Variants in AGAP1 observed in about 807,000 individuals in gnomAD.
The protein encoded by AGAP1 is arf-GAP with GTPase, ANK repeat and PH domain-containing protein 1.
Under a neutral mutation model 105.3 loss-of-function variants are expected in AGAP1, and 29 were observed. The ratio of observed to expected loss-of-function variants is 0.28; its 90% confidence interval spans 0.21 to 0.38. The LOEUF (loss-of-function observed/expected upper bound fraction) is 0.38. AGAP1 is among the 10% of genes least tolerant of loss of function. AGAP1 has a pLI of 1.00. For missense variants in AGAP1, 998 were observed against 1,165.1 expected, an observed-to-expected ratio of 0.86 and a Z score of 2.09; for synonymous variants, 509 against 485.9, an observed-to-expected ratio of 1.05 and a Z score of -0.63.
chr2:235,727,154 G>GA (rs1367834705), intron 3 of AGAP1, among the ~76,000 whole-genome samples: 4 of 152,214 alleles, frequency 2.6e-5, no homozygotes, highest in Admixed American at 6.5e-5. Context: ...GGTTGGAGGG[G>GA]ATGTTTTGAT....
intron 13 of AGAP1, among the ~76,000 whole-genome samples, chr2:235,998,710 A>G (rs76354314): frequency 4.6e-4 from 38 of 82,922 alleles, no homozygotes; most frequent in South Asian, 3.5e-3. Flanking sequence ...TGATGATGAT[A>G]GTGGTGATGA....
At chr2:235,629,852 A>AG (rs1381134366) in intron 1 of AGAP1, among the ~76,000 whole-genome samples, 1 of 138,864 alleles carries the variant, frequency 7.2e-6, no homozygotes, top group African/African-American at 2.8e-5. Context: ...TGACTGAGGG[A>AG]GACCCTGTCT....
chr2:236,096,105 G>A lies in AGAP1; in HGVS notation c.2115-24087G>A, dbSNP rs2059185311. ...TGGAAGCAATACTGATGATGGAACC[G>A]CAGTACTATGTATCTTACCCTACCA... On this transcript the variant is annotated intron_variant, in intron 16 of 17. Transcript: ENST00000304032. The surrounding 1 kb of genome is among the most constrained non-coding windows in gnomAD (Gnocchi z 4.4). Among the ~76,000 whole-genome samples the A allele has an allele frequency of 6.6e-6, 1 of 152,168 alleles. No individual in the cohort carries two copies. The highest frequency in any genetic ancestry group is 1.5e-5 in the Non-Finnish European group (1 of 68,034).
In AGAP1 at chr2:235,864,634, G is replaced by C. The variant is rs183103066; in HGVS notation, c.1051-18711G>C. 1.3e-5 allele frequency among the ~76,000 whole-genome samples: 2 copies of C among 152,272 alleles called. No homozygotes were observed. Among genetic ancestry groups the C allele is most frequent in the African/African-American group, 4.8e-5 (2 of 41,564 alleles). On this transcript the variant is annotated intron_variant, in intron 9 of 17. Coordinates refer to ENST00000304032, the MANE Select transcript of AGAP1 (RefSeq NM_001037131.3). The surrounding 1 kb of genome is among the most constrained non-coding windows in gnomAD (Gnocchi z 5.0). ...CTGGTGTCGTCCCTGAAAATCTTGT[G>C]ACAGGGAGAGACAGAGTGAAAGGAA...
intron 1 of AGAP1, chr2:235,670,019 C>T (rs958725243): frequency 8.9e-5 from 30 of 337,648 alleles, no homozygotes; most frequent in African/African-American, 6.1e-4. Context: ...ACTCCCGGCC[C>T]GCCTGCCCTC....
rs765176771 is a variant in AGAP1 at position 236,123,878 on chromosome 2, C to G, written c.2371-41C>G. ...GCTTCCCTGCCCCCTCCCTCCATCACATCCCCCATGATACTAATGTGGGCT... is the reference window on the plus strand; with the variant it reads ...GCTTCCCTGCCCCCTCCCTCCATCAGATCCCCCATGATACTAATGTGGGCT... On this transcript the variant is annotated intron_variant, in intron 17 of 17. Transcript: ENST00000304032. This position sits in a 1 kb window ranked among gnomAD's most constrained non-coding sequence, Gnocchi z 4.6. 37 of 1,608,644 alleles carry G rather than the reference C, an allele frequency of 2.3e-5. No individual in the cohort carries two copies. The highest frequency in any genetic ancestry group is 2.7e-5 in the Non-Finnish European group (32 of 1,177,482).
Position 235,728,332 on chromosome 2 carries a change from C to G in AGAP1, c.310+10688C>G, listed in dbSNP as rs749727641. ...GTGTGTGTGTGTGTGTGTGTGCGTGCTCTTAAATCAATGTAAATTAGGCTA... is the reference window on the plus strand; with the variant it reads ...GTGTGTGTGTGTGTGTGTGTGCGTGGTCTTAAATCAATGTAAATTAGGCTA... On this transcript the variant is annotated intron_variant, in intron 3 of 17. Transcript: ENST00000304032. The surrounding 1 kb of genome is among the most constrained non-coding windows in gnomAD (Gnocchi z 4.3). Among the ~76,000 whole-genome samples the G allele has an allele frequency of 7.0e-6, 1 of 143,084 alleles. No individual in the cohort carries two copies. Among genetic ancestry groups the G allele is most frequent in the African/African-American group, 2.9e-5 (1 of 34,112 alleles). The allele number at this position is 143,084 out of a possible 152,430, so 93.9% of individuals were successfully genotyped here. A position where few individuals can be genotyped will look rare whatever the true frequency, so the allele number is the denominator to read the frequency against.
chr2:236,000,064 C>T lies in AGAP1; in HGVS notation c.1645+31441C>T, dbSNP rs753591880. ...CAGTGTCCTCACGTGCAGGCGTCCT[C>T]GAAGGTTTGTTTGTTAGTAGCCATA... On this transcript the variant is annotated intron_variant, in intron 13 of 17. Transcript: ENST00000304032. The surrounding 1 kb of genome is among the most constrained non-coding windows in gnomAD (Gnocchi z 4.3). Among the ~76,000 whole-genome samples, 8 of 152,066 alleles carry T rather than the reference C, an allele frequency of 5.3e-5. No individual in the cohort carries two copies. Among genetic ancestry groups the T allele is most frequent in the Non-Finnish European group, 8.8e-5 (6 of 68,024 alleles).
At position 235,989,943 on chromosome 2, in the gene AGAP1, G is replaced by A. The variant is rs994892824; in HGVS notation, c.1645+21320G>A. 5.9e-5 allele frequency among the ~76,000 whole-genome samples: 9 copies of A among 152,196 alleles called. No individual in the cohort carries two copies. The highest frequency in any genetic ancestry group is 9.6e-5 in the African/African-American group (4 of 41,516). ...TGGACAGTTTAGATCATTCAAATGCGTAGCCGGGGTTGGGAACCAGTGGTT... is the reference window on the plus strand; with the variant it reads ...TGGACAGTTTAGATCATTCAAATGCATAGCCGGGGTTGGGAACCAGTGGTT... On this transcript the variant is annotated intron_variant, in intron 13 of 17. Coordinates refer to ENST00000304032, the MANE Select transcript of AGAP1 (RefSeq NM_001037131.3). This position sits in a 1 kb window ranked among gnomAD's most constrained non-coding sequence, Gnocchi z 4.4.
Position 235,635,810 on chromosome 2 carries a change from C to T in AGAP1, c.164-73369C>T, listed in dbSNP as rs954697328. Reference sequence around the variant, plus strand: ...TGAGTAGGACAAATGTTTTCCTTTCCGTGCTTTAAAAGTCTCATCTTAGAC... The same window carrying T: ...TGAGTAGGACAAATGTTTTCCTTTCTGTGCTTTAAAAGTCTCATCTTAGAC... On this transcript the variant is annotated intron_variant, in intron 1 of 17. Transcript: ENST00000304032. This position sits in a 1 kb window ranked among gnomAD's most constrained non-coding sequence, Gnocchi z 5.3. Among the ~76,000 whole-genome samples the T allele has an allele frequency of 6.6e-6, 1 of 152,028 alleles. No individual in the cohort carries two copies. The highest frequency in any genetic ancestry group is 6.6e-5 in the Admixed American group (1 of 15,242).
rs954372660 is a variant in AGAP1 at position 236,087,990 on chromosome 2, G to A, written c.2115-32202G>A. Reference sequence around the variant, plus strand: ...ACCTGCTTGGTATCCTTGGCCCCGGGGTCCAGGTTATTCAGTTTGTTGATG... The same window carrying A: ...ACCTGCTTGGTATCCTTGGCCCCGGAGTCCAGGTTATTCAGTTTGTTGATG... On this transcript the variant is annotated intron_variant, in intron 16 of 17. Transcript: ENST00000304032. The surrounding 1 kb of genome is among the most constrained non-coding windows in gnomAD (Gnocchi z 5.7). 6.6e-6 allele frequency among the ~76,000 whole-genome samples: 1 copy of A among 152,106 alleles called. No homozygotes were observed. The highest frequency in any genetic ancestry group is 2.4e-5 in the African/African-American group (1 of 41,412).
rs1256001873 is a variant in AGAP1 at position 235,901,067 on chromosome 2, A to G, written c.1156-7671A>G. ...AGAAGATTTTTCATAGTTTTACAAT[A>G]TTTTCACAGTATTTTTAGGAGCATG... On this transcript the variant is annotated intron_variant, in intron 10 of 17. Coordinates refer to ENST00000304032, the MANE Select transcript of AGAP1 (RefSeq NM_001037131.3). This position sits in a 1 kb window ranked among gnomAD's most constrained non-coding sequence, Gnocchi z 4.3. Among the ~76,000 whole-genome samples the G allele has an allele frequency of 6.6e-6, 1 of 152,160 alleles. No individual in the cohort carries two copies. The highest frequency in any genetic ancestry group is 1.5e-5 in the Non-Finnish European group (1 of 68,032).
intron 16 of AGAP1, chr2:236,072,273 C>T (rs1286837978): frequency 6.6e-6 from 1 of 152,088 alleles, no homozygotes; most frequent in Non-Finnish European, 1.5e-5. Context: ...AACTCCATCT[C>T]TACTAAAAAT....
At chr2:235,784,779 A>C (rs1956516443) in intron 6 of AGAP1, among the ~76,000 whole-genome samples, 1 of 152,196 alleles carries the variant, frequency 6.6e-6, no homozygotes, top group Non-Finnish European at 1.5e-5. Flanking sequence ...GTTTGTGGGT[A>C]ATGTTACTAT....
intron 1 of AGAP1, among the ~76,000 whole-genome samples, chr2:235,632,090 G>T (rs777315173): frequency 6.6e-6 from 1 of 152,208 alleles, no homozygotes; most frequent in Non-Finnish European, 1.5e-5. Context: ...TCTTGTATAA[G>T]CCACTGTTAT....
chr2:236,065,398 C>A (rs980215478), intron 16 of AGAP1, among the ~76,000 whole-genome samples: 3 of 152,202 alleles, frequency 2.0e-5, no homozygotes, highest in African/African-American at 7.2e-5. Context: ...TACACTCGCC[C>A]CGTGGGCGGT....
intron 16 of AGAP1, among the ~76,000 whole-genome samples, chr2:236,103,253 G>A (rs2059404490): frequency 1.3e-5 from 2 of 152,130 alleles, no homozygotes; most frequent in Non-Finnish European, 1.5e-5. Flanking sequence ...TCTACACCGA[G>A]GTCACTGGTC....
intron 11 of AGAP1, among the ~76,000 whole-genome samples, chr2:235,912,614 T>G (rs1355996108): frequency 6.6e-6 from 1 of 152,250 alleles, no homozygotes; most frequent in Non-Finnish European, 1.5e-5. Flanking sequence ...CCTAAATCTT[T>G]GTGGTTAACA....
At chr2:236,060,684 G>C (rs532663587) in intron 16 of AGAP1, among the ~76,000 whole-genome samples, 2 of 151,938 alleles carry the variant, frequency 1.3e-5, no homozygotes, top group Non-Finnish European at 2.9e-5. Context: ...CGCAGAGTGA[G>C]ACCCCATCTC....
Sources: allele counts gnomAD v4.1 joint callset (sites outside exome capture counted in the v4.1 genomes callset), GRCh38; gene constraint gnomAD v4.1.1; non-coding constraint Gnocchi (gnomAD v3.1); transcripts MANE v1.5; gene names NCBI Gene and HGNC (gene_info 2026-07-23, HGNC 2026-07-21).